The following UGT1A8 variants were observed in gnomAD, a reference collection of about 807,000 sequenced individuals.
UGT1A8 encodes UDP-glucuronosyltransferase 1A8.
In UGT1A8, 39 loss-of-function variants were observed where a neutral mutation model predicts 45.3. That is an observed-to-expected ratio of 0.86 (90% CI 0.67 to 1.12). The LOEUF is 1.12. UGT1A8 is among the 50% of genes most tolerant of loss of function. UGT1A8 has a pLI of 0.00. For synonymous variants in UGT1A8, 275 were observed against 249.2 expected (o/e 1.10, Z -0.97); for missense variants, 719 against 664.9 (o/e 1.08, Z -0.90).
chr2:233,755,084 G>T (rs779610585), intron 1 of UGT1A8: 29 of 1,335,184 alleles, frequency 2.2e-5, no homozygotes, highest in Non-Finnish European at 2.9e-5. Context: ...CATAGATATC[G>T]CGTTTCTACG....
chr2:233,770,051 A>G (rs1483114372), intron 4 of UGT1A8: 1 of 154,750 alleles, frequency 6.5e-6, no homozygotes, highest in Non-Finnish European at 1.4e-5. Flanking sequence ...CTTGAGGCTC[A>G]CATTATGGAT....
intron 1 of UGT1A8, among the ~76,000 whole-genome samples, chr2:233,679,943 C>A (rs944629060): frequency 1.3e-5 from 2 of 152,082 alleles, no homozygotes; most frequent in African/African-American, 2.4e-5. Flanking sequence ...CAAAAAGATG[C>A]GAGGTTTGGC....
chr2:233,641,212 T>C (rs1401678314), intron 1 of UGT1A8, among the ~76,000 whole-genome samples: 1 of 152,190 alleles, frequency 6.6e-6, no homozygotes, highest in Non-Finnish European at 1.5e-5. Context: ...CTGCCTTTCT[T>C]TACCTACAAG....
At chr2:233,700,043 A>T (rs2075539170) in intron 1 of UGT1A8, among the ~76,000 whole-genome samples, 1 of 152,220 alleles carries the variant, frequency 6.6e-6, no homozygotes, top group South Asian at 2.1e-4. Context: ...ATCTAAATCA[A>T]TTCCAAGTGA....
Position 233,617,840 on chromosome 2 carries a change from G to A in UGT1A8, c.133G>A (p.Val45Met). 6.2e-7 allele frequency: 1 copy of A among 1,614,170 alleles called. No individual in the cohort carries two copies. The highest frequency in any genetic ancestry group is 8.5e-7 in the Non-Finnish European group (1 of 1,180,024). The change falls in exon 1 of 5, where the codon GTG (valine) becomes ATG (methionine). Residue 45 changes from valine to methionine, a missense_variant. By Grantham distance (21) the Val-to-Met change is conservative. Transcript: ENST00000373450. ...TCACTGGTTCACCATGCAGTCGGTG[G>A]TGGAGAAACTTATCCTCAGGGGGCA... is the stretch of plus-strand genomic sequence containing the variant. ...GSHWFTMQSV[V>M]EKLILRGHEV...
At chr2:233,619,888 A>G (rs2072969380) in intron 1 of UGT1A8, among the ~76,000 whole-genome samples, 1 of 152,188 alleles carries the variant, frequency 6.6e-6, no homozygotes, top group African/African-American at 2.4e-5. Flanking sequence ...CCAAAACATT[A>G]TTGAGTAATA....
chr2:233,728,563 T>C (rs1454044996), intron 1 of UGT1A8, among the ~76,000 whole-genome samples: 1 of 152,134 alleles, frequency 6.6e-6, no homozygotes, highest in African/African-American at 2.4e-5. Flanking sequence ...TTACAAGAAA[T>C]ATCCTGGTGC....
At chr2:233,637,337 T>C (rs2073324286) in intron 1 of UGT1A8, 4 of 1,613,942 alleles carry the variant, frequency 2.5e-6, no homozygotes, top group Middle Eastern at 1.7e-4. Context: ...ATGATCTTCA[T>C]TGGTGGTATC....
intron 1 of UGT1A8, among the ~76,000 whole-genome samples, chr2:233,680,412 A>G (rs781618999): frequency 1.1e-4 from 16 of 152,200 alleles, no homozygotes; most frequent in Non-Finnish European, 2.1e-4. Context: ...CAACAAAATT[A>G]TTATAGTAGT....
chr2:233,769,404 C>A lies in UGT1A8; in HGVS notation c.1295+965C>A. The A allele has an allele frequency of 8.2e-7, 1 of 1,225,146 alleles. No homozygotes were observed. The highest frequency in any genetic ancestry group is 1.2e-6 in the Non-Finnish European group (1 of 856,112). The allele number at this position is 1,225,146 out of a possible 1,614,324, so 75.9% of individuals were successfully genotyped here. ...ACAATAGATACTGTGTGCATATGTGCGTGTGCGTTTGTGCATGTGGCTGTG... is the reference window on the plus strand; with the variant it reads ...ACAATAGATACTGTGTGCATATGTGAGTGTGCGTTTGTGCATGTGGCTGTG... On this transcript the variant is annotated intron_variant, in intron 4 of 4. Transcript: ENST00000373450. The surrounding 1 kb of genome is among the most constrained non-coding windows in gnomAD (Gnocchi z 4.4).
At chr2:233,767,806 A>G in intron 2 of UGT1A8, 43 bp from the exon 3 acceptor site, 1 of 1,614,116 alleles carries the variant, frequency 6.2e-7, no homozygotes, top group Non-Finnish European at 8.5e-7. Flanking sequence ...TTCTAATCAT[A>G]TTATGTTCTT....
At position 233,693,375 on chromosome 2, in the gene UGT1A8, T is replaced by A. The variant is rs372477458; in HGVS notation, c.856-73659T>A. Reference sequence around the variant, plus strand: ...ATGATTGTTATTGGCCTGTACTTCATCAACTGCCAGAGCCTCCTGCAGGAC... The same window carrying A: ...ATGATTGTTATTGGCCTGTACTTCAACAACTGCCAGAGCCTCCTGCAGGAC... On this transcript the variant is annotated intron_variant, in intron 1 of 4. Coordinates refer to ENST00000373450, the MANE Select transcript of UGT1A8 (RefSeq NM_019076.5). 1.2e-4 allele frequency: 199 copies of A among 1,614,066 alleles called. No individual in the cohort carries two copies. Among genetic ancestry groups the A allele is most frequent in the Non-Finnish European group, 1.6e-4 (194 of 1,180,050 alleles).
rs140008284 is a variant in UGT1A8 at position 233,618,234 on chromosome 2, A to G, written c.527A>G (p.Tyr176Cys). Residue 176 changes from tyrosine to cysteine, a missense_variant, in exon 1 of 5, where the codon TAT (tyrosine) becomes TGT (cysteine). Coordinates refer to ENST00000373450, the MANE Select transcript of UGT1A8 (RefSeq NM_019076.5). ...TTCGCCAGGGGAATAGCTTGCCACT[A>G]TCTTGAAGAAGGTGCACAGTGCCCT... ...VVFARGIACH[Y>C]LEEGAQCPAP... 9.9e-6 allele frequency: 16 copies of G among 1,613,944 alleles called. No individual in the cohort carries two copies. The East Asian group carries it at 1.6e-4, about 16-fold the overall frequency.
chr2:233,643,473 G>T (rs930487538), intron 1 of UGT1A8, among the ~76,000 whole-genome samples: 4 of 152,056 alleles, frequency 2.6e-5, no homozygotes, highest in Non-Finnish European at 2.9e-5. Flanking sequence ...TCCCAGGGGA[G>T]CTCCAGAAAT....
chr2:233,727,434 G>A (rs2077616452), intron 1 of UGT1A8, among the ~76,000 whole-genome samples: 1 of 152,122 alleles, frequency 6.6e-6, no homozygotes, highest in African/African-American at 2.4e-5. Context: ...TCCCAGACAT[G>A]TGACAAGAAA....
intron 1 of UGT1A8, among the ~76,000 whole-genome samples, chr2:233,666,909 T>G (rs1470573235): frequency 6.6e-6 from 1 of 152,040 alleles, no homozygotes; most frequent in Non-Finnish European, 1.5e-5. Flanking sequence ...GTTTGGTTTC[T>G]TGTCCTTGTG....
At position 233,729,155 on chromosome 2, in the gene UGT1A8, C is replaced by T. The variant is rs754518469; in HGVS notation, c.856-37879C>T. The T allele has an allele frequency of 1.4e-5, 23 of 1,613,596 alleles. No homozygotes were observed. The highest frequency in any genetic ancestry group is 5.0e-5 in the Admixed American group (3 of 60,022). On this transcript the variant is annotated intron_variant, in intron 1 of 4. Coordinates refer to ENST00000373450, the MANE Select transcript of UGT1A8 (RefSeq NM_019076.5). ...GCCACAGGACTCCAGGTTCCCCTGC[C>T]GTGGCTGGCCACAGGACTGCTGCTT...
intron 1 of UGT1A8, among the ~76,000 whole-genome samples, chr2:233,752,104 T>G (rs2125914328): frequency 6.6e-6 from 1 of 152,238 alleles, no homozygotes; most frequent in East Asian, 1.9e-4. Flanking sequence ...GAAAGTAGAA[T>G]CAGAGGAGAA....
chr2:233,645,897 T>C (rs2073589160), intron 1 of UGT1A8, among the ~76,000 whole-genome samples: 1 of 152,230 alleles, frequency 6.6e-6, no homozygotes, highest in Non-Finnish European at 1.5e-5. Context: ...AGTCCCCCAG[T>C]TGTTGCTCTG....
Sources: allele counts gnomAD v4.1 joint callset (sites outside exome capture counted in the v4.1 genomes callset), GRCh38; gene constraint gnomAD v4.1.1; non-coding constraint Gnocchi (gnomAD v3.1); transcripts MANE v1.5; gene names NCBI Gene and HGNC (gene_info 2026-07-23, HGNC 2026-07-21).